Variants in SSBP2 observed in about 807,000 individuals in gnomAD.
SSBP2 encodes single stranded DNA binding protein 2.
In SSBP2, 17 loss-of-function variants were observed where a neutral mutation model predicts 61.8. The observed-to-expected ratio is 0.28, with a 90% CI of 0.19 to 0.41. The LOEUF (loss-of-function observed/expected upper bound fraction) is 0.41. Among genes scored for constraint, SSBP2 ranks in the 10% least tolerant of loss-of-function variants. The probability of loss-of-function intolerance (pLI) is 1.00; values close to 1 mark genes in which losing one functional copy is unlikely to be tolerated. For missense variants in SSBP2, 310 were observed against 458.7 expected (o/e 0.68, Z 2.96); for synonymous variants, 139 against 141.3 (o/e 0.98, Z 0.12).
intron 5 of SSBP2, among the ~76,000 whole-genome samples, chr5:81,507,427 T>C (rs983710169): frequency 2.6e-5 from 4 of 152,030 alleles, no homozygotes; most frequent in African/African-American, 9.7e-5. Context: ...AAACTAAAGA[T>C]CTAGTGACTA....
At chr5:81,696,267 T>C (rs1460105720) in intron 1 of SSBP2, among the ~76,000 whole-genome samples, 1 of 152,182 alleles carries the variant, frequency 6.6e-6, no homozygotes, top group Non-Finnish European at 1.5e-5. Flanking sequence ...ACGCCCAGAA[T>C]GAGCTTTTAT....
intron 4 of SSBP2, among the ~76,000 whole-genome samples, chr5:81,584,765 A>C (rs1774935770): frequency 1.3e-5 from 2 of 152,198 alleles, no homozygotes; most frequent in African/African-American, 4.8e-5. Flanking sequence ...AGGAAGATAC[A>C]TAATATTTCT....
intron 4 of SSBP2, among the ~76,000 whole-genome samples, chr5:81,614,643 A>G (rs900293930): frequency 3.9e-5 from 6 of 152,134 alleles, no homozygotes; most frequent in African/African-American, 1.4e-4. Flanking sequence ...GGTACTTACT[A>G]TCAGTTATTT....
chr5:81,457,665 AT>A (rs916075724), intron 10 of SSBP2, among the ~76,000 whole-genome samples: 117 of 146,572 alleles, frequency 8.0e-4, no homozygotes, highest in Middle Eastern at 3.5e-3. Flanking sequence ...AAAACACAAA[AT>A]TTTTTTTTTT....
intron 4 of SSBP2, among the ~76,000 whole-genome samples, chr5:81,520,279 C>G (rs1769368013): frequency 6.6e-6 from 1 of 152,160 alleles, no homozygotes; most frequent in South Asian, 2.1e-4. Flanking sequence ...GCCACCACGC[C>G]TGGTCTATTT....
intron 3 of SSBP2, among the ~76,000 whole-genome samples, chr5:81,635,513 C>T (rs924897781): frequency 6.6e-6 from 1 of 151,846 alleles, no homozygotes; most frequent in Non-Finnish European, 1.5e-5. Flanking sequence ...AATGGCATGC[C>T]AACGCTTATA....
intron 8 of SSBP2, among the ~76,000 whole-genome samples, chr5:81,472,951 G>A (rs1006915070): frequency 6.6e-6 from 1 of 152,162 alleles, no homozygotes; most frequent in African/African-American, 2.4e-5. Flanking sequence ...TAAGAAAAGG[G>A]TAACAGTTAC....
At chr5:81,605,489 G>C (rs1485493909) in intron 4 of SSBP2, among the ~76,000 whole-genome samples, 1 of 152,040 alleles carries the variant, frequency 6.6e-6, no homozygotes, top group Non-Finnish European at 1.5e-5. Context: ...CTTTCAATAT[G>C]AGTGAGGTAA....
chr5:81,650,205 AGT>A (rs1233521836), intron 2 of SSBP2, 60 bp downstream of exon 2: 4 of 1,148,680 alleles, frequency 3.5e-6, no homozygotes, highest in South Asian at 1.5e-5. Flanking sequence ...TAATTATTAT[AGT>A]GTGTTTTCCA....
At chr5:81,593,714 A>C (rs1254583885) in intron 4 of SSBP2, among the ~76,000 whole-genome samples, 1 of 152,222 alleles carries the variant, frequency 6.6e-6, no homozygotes, top group Non-Finnish European at 1.5e-5. Context: ...AGAATTTTCA[A>C]TCCAGAATCT....
At chr5:81,672,615 A>G (rs1420842067) in intron 1 of SSBP2, among the ~76,000 whole-genome samples, 1 of 148,828 alleles carries the variant, frequency 6.7e-6, no homozygotes, top group Admixed American at 6.7e-5. Flanking sequence ...CTTGTTGTCC[A>G]GGCTGGAGTG....
At chr5:81,478,619 G>A (rs1765758051) in intron 6 of SSBP2, among the ~76,000 whole-genome samples, 2 of 152,300 alleles carry the variant, frequency 1.3e-5, no homozygotes, top group South Asian at 4.1e-4. Context: ...TTACAGGCGT[G>A]AGCCACCACA....
At chr5:81,574,773 C>T (rs1581062082) in intron 4 of SSBP2, among the ~76,000 whole-genome samples, 1 of 152,082 alleles carries the variant, frequency 6.6e-6, no homozygotes, top group East Asian at 1.9e-4. Flanking sequence ...CCGGAACACA[C>T]AGGAATGATA....
At chr5:81,688,286 T>C (rs1429804909) in intron 1 of SSBP2, among the ~76,000 whole-genome samples, 1 of 152,176 alleles carries the variant, frequency 6.6e-6, no homozygotes, top group Non-Finnish European at 1.5e-5. Context: ...TCCTAAAGTT[T>C]CTGACTCCAG....
At chr5:81,725,286 T>C (rs1199531147) in intron 1 of SSBP2, among the ~76,000 whole-genome samples, 3 of 152,012 alleles carry the variant, frequency 2.0e-5, no homozygotes, top group Admixed American at 6.6e-5. Context: ...ACCTCACTAA[T>C]AATCAGAGAA....
At chr5:81,618,336 A>G (rs1470786062) in intron 3 of SSBP2, among the ~76,000 whole-genome samples, 1 of 103,402 alleles carries the variant, frequency 9.7e-6, no homozygotes, top group Non-Finnish European at 2.1e-5. Flanking sequence ...TAAACCAACA[A>G]AGATGAAAAG....
intron 4 of SSBP2, among the ~76,000 whole-genome samples, chr5:81,593,020 G>T (rs1388744960): frequency 1.3e-5 from 2 of 152,156 alleles, no homozygotes; most frequent in East Asian, 3.9e-4. Context: ...AGAGAAGAAG[G>T]CTTCAGACGA....
upstream of SSBP2, chr5:81,751,305 G>T: frequency 2.0e-6 from 1 of 496,688 alleles, no homozygotes; most frequent in South Asian, 2.2e-5. Context: ...CCTCCCTCCC[G>T]CCTTCCCTCT....
At chr5:81,661,592 ATAAT>A (rs1342879842) in intron 1 of SSBP2, among the ~76,000 whole-genome samples, 1 of 151,806 alleles carries the variant, frequency 6.6e-6, no homozygotes, top group Non-Finnish European at 1.5e-5. Context: ...CATTTCTCTG[ATAAT>A]TAGTGACACT....
Sources: gnomAD v4.1 joint callset for allele counts (sites outside exome capture counted in the v4.1 genomes callset) on GRCh38, gnomAD v4.1.1 for gene constraint, MANE v1.5 for transcripts, NCBI Gene and HGNC (gene_info 2026-07-23, HGNC 2026-07-21) for gene names.